The following KRT82 variants were observed in gnomAD, a reference collection of about 807,000 sequenced individuals.
KRT82 encodes the protein keratin, type II cuticular Hb2.
Under a neutral mutation model 48.0 loss-of-function variants are expected in KRT82, and 44 were observed. The ratio of observed to expected loss-of-function variants is 0.92; its 90% CI spans 0.72 to 1.18. The LOEUF (loss-of-function observed/expected upper bound fraction) is 1.18, where lower values mean the gene tolerates loss of function less well. Among genes scored for constraint, KRT82 ranks in the 50% most tolerant of loss-of-function variants. KRT82 has a pLI of 0.00. For missense variants in KRT82, 701 were observed against 671.4 expected (o/e 1.04, Z -0.49); for synonymous variants, 297 against 278.3 (o/e 1.07, Z -0.67).
chr12:52,406,203 G>A lies in KRT82; in HGVS notation c.75C>T (p.Pro25=), dbSNP rs766999588. ...TCACTGCATAGTGGGTGACCATCCG[G>A]GGCATGACAGCCGAGTATGAGCTGA... ...QSFSSYSAVM[P]RMVTHYAVSK... is the part of the protein sequence containing the mutation. The change falls in exon 1 of 9, where the codon CCC becomes CCT. Residue 25 remains proline, a synonymous_variant. Coordinates refer to ENST00000257974, the MANE Select transcript of KRT82 (RefSeq NM_033033.4). 2 of 1,613,372 alleles carry A rather than the reference G, an allele frequency of 1.2e-6. No individual in the cohort carries two copies. The highest frequency in any genetic ancestry group is 1.7e-6 in the Non-Finnish European group (2 of 1,179,788).
chr12:52,395,882 A>G (rs1289076637), intron 7 of KRT82, 92 bp from the exon 8 acceptor site: 9 of 1,477,322 alleles, frequency 6.1e-6, no homozygotes, highest in Non-Finnish European at 8.3e-6. Flanking sequence ...ATTGTGGACC[A>G]TGTGCTGCTG....
rs549115969 is a variant in KRT82, at chr12:52,405,718, G to A, written c.411+149C>T. 4.3e-6 allele frequency: 3 copies of A among 705,748 alleles called. No homozygotes were observed. The East Asian group carries it at 7.7e-5, about 18-fold the overall frequency. The allele number at this position is 705,748 out of a possible 1,614,324, so 43.7% of individuals were successfully genotyped here. A position where few individuals can be genotyped will look rare whatever the true frequency, so the allele number is the denominator to read the frequency against. ...GAATCTGATCTAACTGGCTTTCAAA[G>A]GCTGGTGGTCGTGGAATGTGAGGGA... On this transcript the variant is annotated intron_variant, in intron 1 of 8. Transcript: ENST00000257974.
At chr12:52,399,167 A>T (rs1217539183) in intron 5 of KRT82, among the ~76,000 whole-genome samples, 2 of 151,866 alleles carry the variant, frequency 1.3e-5, no homozygotes. Context: ...AACACTCCCT[A>T]CCCTTCCCCT....
In KRT82 at chr12:52,403,732, G is replaced by A; in HGVS notation, c.589C>T (p.Leu197Phe). The A allele has an allele frequency of 6.2e-7, 1 of 1,612,882 alleles. No individual in the cohort carries two copies. Among genetic ancestry groups the A allele is most frequent in the Non-Finnish European group, 8.5e-7 (1 of 1,179,558 alleles). The part of the protein sequence containing the change: ...RVRLESELCS[L>F]QAALEGYKKK... ...TTGTAGCCCTCCAGTGCAGCCTGGA[G>A]GCTGCAGAGCTCTGACTCTAGCCTC... The change falls in exon 2 of 9, where the codon CTC (leucine) becomes TTC (phenylalanine). Residue 197 changes from leucine (L) to phenylalanine (F), a missense_variant. Leu to Phe is a conservative substitution (Grantham distance 22). Coordinates refer to ENST00000257974, the MANE Select transcript of KRT82 (RefSeq NM_033033.4).
At chr12:52,403,125 G>A (rs569474783) in intron 2 of KRT82, among the ~76,000 whole-genome samples, 2 of 152,238 alleles carry the variant, frequency 1.3e-5, no homozygotes, top group Non-Finnish European at 1.5e-5. Context: ...GGGAGCAAGT[G>A]TGGCAGAAGA....
chr12:52,400,313 G>T (rs1280562025), intron 4 of KRT82, among the ~76,000 whole-genome samples, 164 bp from the exon 5 acceptor site: 1 of 152,252 alleles, frequency 6.6e-6, no homozygotes, highest in East Asian at 1.9e-4. Flanking sequence ...CCCTCTGGTT[G>T]CCCAGAGCTT....
At chr12:52,399,960 C>G in intron 5 of KRT82, 25 bp downstream of exon 5, 2 of 1,607,156 alleles carry the variant, frequency 1.2e-6, no homozygotes, top group African/African-American at 1.3e-5. Flanking sequence ...CTCCAGTCTC[C>G]CTGCCCCCAA....
Position 52,403,773 on chromosome 12 carries a change from A to G in KRT82, c.548T>C (p.Val183Ala). 1 of 1,613,654 alleles carries G rather than the reference A, an allele frequency of 6.2e-7. No homozygotes were observed. Among genetic ancestry groups the G allele is most frequent in the East Asian group, 2.2e-5 (1 of 44,870 alleles). ...ISALRRQLDCVSGDRVRLESE... is the reference protein window; with the variant it reads ...ISALRRQLDCASGDRVRLESE... ...CTCTAGCCTCACGCGGTCCCCGGAC[A>G]CACAGTCCAGCTGCCGCCGAAGGGC... The change falls in exon 2 of 9, where the codon GTG (valine) becomes GCG (alanine). Residue 183 changes from valine (V) to alanine (A), a missense_variant. Val to Ala is a moderately conservative substitution (Grantham distance 64). Coordinates refer to ENST00000257974, the MANE Select transcript of KRT82 (RefSeq NM_033033.4).
chr12:52,406,188 G>C lies in KRT82; in HGVS notation c.90C>G (p.His30Gln), dbSNP rs770350865. The C allele has an allele frequency of 6.2e-7, 1 of 1,613,656 alleles. No individual in the cohort carries two copies. Among genetic ancestry groups the C allele is most frequent in the South Asian group, 1.1e-5 (1 of 91,064 alleles). The change falls in exon 1 of 9, where the codon CAC (histidine) becomes CAG (glutamine). Residue 30 changes from histidine to glutamine, a missense_variant. By Grantham distance (24) the His-to-Gln change is conservative. Coordinates refer to ENST00000257974, the MANE Select transcript of KRT82 (RefSeq NM_033033.4). ...YSAVMPRMVT[H>Q]YAVSKGPCRP... ...GGCATGGCCCCTTGCTCACTGCATA[G>C]TGGGTGACCATCCGGGGCATGACAG...
chr12:52,399,552 C>G (rs2121474862), intron 5 of KRT82, among the ~76,000 whole-genome samples: 1 of 152,362 alleles, frequency 6.6e-6, no homozygotes, highest in South Asian at 2.1e-4. Context: ...AAGTCTGAGG[C>G]CATCTTAATC....
Position 52,403,683 on chromosome 12 carries a change from A to G in KRT82, c.620+18T>C, listed in dbSNP as rs889478486. The G allele has an allele frequency of 6.7e-7, 1 of 1,486,072 alleles. No homozygotes were observed. The highest frequency in any genetic ancestry group is 1.7e-5 in the Admixed American group (1 of 59,268). 92.1% of individuals were successfully genotyped at this position (1,486,072 alleles called of 1,614,324 possible). ...TTGCCCCAGGTCCACCAGTGGGGTA[A>G]AAGCAGCACTGACTCACTTTTTCTT... On this transcript the variant is annotated intron_variant, in intron 2 of 8. Coordinates refer to ENST00000257974, the MANE Select transcript of KRT82 (RefSeq NM_033033.4).
chr12:52,399,269 C>T (rs1939755103), intron 5 of KRT82, among the ~76,000 whole-genome samples: 1 of 152,210 alleles, frequency 6.6e-6, no homozygotes, highest in Non-Finnish European at 1.5e-5. Flanking sequence ...CCTGCCCCTC[C>T]AACCCTACCC....
intron 2 of KRT82, among the ~76,000 whole-genome samples, chr12:52,401,696 C>T (rs1011356295): frequency 6.6e-6 from 1 of 152,178 alleles, no homozygotes. Context: ...TGCTGCTGGC[C>T]TAGCTGTTTT....
intron 3 of KRT82, 74 bp from the exon 4 acceptor site, chr12:52,400,696 T>A: frequency 9.7e-7 from 1 of 1,026,150 alleles, no homozygotes; most frequent in Non-Finnish European, 1.5e-6. Context: ...GGGGAAGGCG[T>A]GGGGCTCACC....
intron 4 of KRT82, 65 bp from the exon 5 acceptor site, chr12:52,400,214 G>T (rs1017942983): frequency 2.0e-5 from 30 of 1,516,104 alleles, no homozygotes; most frequent in Non-Finnish European, 2.4e-5. Context: ...GAGAAGGGGA[G>T]AACCCGTTCT....
At chr12:52,400,264 T>C in intron 4 of KRT82, 115 bp from the exon 5 acceptor site, 1 of 1,080,196 alleles carries the variant, frequency 9.3e-7, no homozygotes, top group Non-Finnish European at 1.3e-6. Context: ...CTGCTATGGC[T>C]GTTCTGGGCT....
rs752519168 is a variant in KRT82 at position 52,396,898 on chromosome 12, C to T, written c.1053G>A (p.Glu351=). The part of the protein sequence containing the change: ...KLIQRLQQET[E]NVKAQRCKLE... ...CCAGCCTCACCTGGGCTTTGACATT[C>T]TCGGTTTCTTGCTGCAGCCGCTGGA... The change falls in exon 6 of 9, where the codon GAG becomes GAA. Residue 351 remains glutamate (E), a synonymous_variant. Coordinates refer to ENST00000257974, the MANE Select transcript of KRT82 (RefSeq NM_033033.4). 6.8e-6 allele frequency: 11 copies of T among 1,614,122 alleles called. No individual in the cohort carries two copies. In the Admixed American group the frequency reaches 1.7e-4, roughly 24 times the overall value.
rs551415621 is a variant in KRT82, at chr12:52,394,032, G to A, written c.*943C>T. Reference sequence around the variant, plus strand: ...AGCCCCAGTGGGACAGGCTTGGCATGAGGGGCTTCTGGGAGGTAGTCAGCC... The same window carrying A: ...AGCCCCAGTGGGACAGGCTTGGCATAAGGGGCTTCTGGGAGGTAGTCAGCC... On this transcript the variant is annotated 3_prime_UTR_variant, in exon 9 of 9. Transcript: ENST00000257974. 9 of 152,350 alleles carry A rather than the reference G, an allele frequency of 5.9e-5. No homozygotes were observed. The highest frequency in any genetic ancestry group is 1.9e-4 in the African/African-American group (8 of 41,576). The allele number at this position is 152,350 out of a possible 1,614,324, so 9.4% of individuals were successfully genotyped here.
intron 3 of KRT82, 56 bp from the exon 4 acceptor site, chr12:52,400,678 G>A (rs1424816371): frequency 8.1e-7 from 1 of 1,230,164 alleles, no homozygotes; most frequent in African/African-American, 1.5e-5. Flanking sequence ...CAGGCAAGCT[G>A]GTGGCAGGGG....
Sources: allele counts gnomAD v4.1 joint callset (sites outside exome capture counted in the v4.1 genomes callset), GRCh38; gene constraint gnomAD v4.1.1; transcripts MANE v1.5; gene names NCBI Gene and HGNC (gene_info 2026-07-23, HGNC 2026-07-21).